MPPED1: variants seen among roughly 807,000 people sequenced by gnomAD.
MPPED1 encodes metallophosphoesterase domain-containing protein 1.
Under a neutral mutation model 36.2 loss-of-function variants are expected in MPPED1, and 16 were observed. The observed-to-expected ratio is 0.44, with a 90% confidence interval of 0.30 to 0.67. The LOEUF is 0.67. MPPED1 is among the 30% of genes least tolerant of loss of function. MPPED1 has a pLI of 0.10. For missense variants in MPPED1, 307 were observed against 453.4 expected (o/e 0.68, Z 2.93); for synonymous variants, 199 against 191.3 (o/e 1.04, Z -0.33).
chr22:43,497,312 G>C (rs1248062687), intron 4 of MPPED1, among the ~76,000 whole-genome samples: 1 of 151,986 alleles, frequency 6.6e-6, no homozygotes, highest in African/African-American at 2.4e-5. Context: ...TGATGCTTTT[G>C]TTGCAAATGA....
chr22:43,478,906 C>T (rs915666840), intron 4 of MPPED1, among the ~76,000 whole-genome samples: 4 of 152,236 alleles, frequency 2.6e-5, no homozygotes, highest in East Asian at 1.9e-4. Flanking sequence ...CACTACCCTA[C>T]GAGAGTCTCT....
At chr22:43,476,804 C>G (rs1332136005) in intron 4 of MPPED1, among the ~76,000 whole-genome samples, 2 of 152,108 alleles carry the variant, frequency 1.3e-5, no homozygotes, top group Admixed American at 1.3e-4. Context: ...GTGATGAGGT[C>G]AGTACCAAGG....
At chr22:43,459,472 A>G (rs561440357) in intron 3 of MPPED1, among the ~76,000 whole-genome samples, 18 of 152,250 alleles carry the variant, frequency 1.2e-4, no homozygotes, top group African/African-American at 3.8e-4. Flanking sequence ...AGTGCACCCA[A>G]TGGTGTCCCA....
At chr22:43,500,310 A>T (rs1056202948) in intron 5 of MPPED1, among the ~76,000 whole-genome samples, 1 of 11,066 alleles carries the variant, frequency 9.0e-5, no homozygotes, top group Non-Finnish European at 1.9e-4. Flanking sequence ...GGTGATGGTG[A>T]TGGAGGTGGT....
At chr22:43,450,853 A>T (rs1930539955) in intron 3 of MPPED1, among the ~76,000 whole-genome samples, 1 of 151,888 alleles carries the variant, frequency 6.6e-6, no homozygotes, top group Non-Finnish European at 1.5e-5. Flanking sequence ...CAGCCTCCCG[A>T]GTAGCTGGGA....
At chr22:43,491,910 G>T (rs1009459187) in intron 4 of MPPED1, among the ~76,000 whole-genome samples, 2 of 150,446 alleles carry the variant, frequency 1.3e-5, no homozygotes, top group Non-Finnish European at 3.0e-5. Flanking sequence ...GTTGGAGGTG[G>T]TGGTAATGGA....
At chr22:43,433,080 G>T (rs1447291363) in intron 2 of MPPED1, among the ~76,000 whole-genome samples, 1 of 152,072 alleles carries the variant, frequency 6.6e-6, no homozygotes, top group African/African-American at 2.4e-5. Context: ...GGGCGGCAGG[G>T]TATGTAGGTC....
intron 4 of MPPED1, among the ~76,000 whole-genome samples, chr22:43,497,840 G>C (rs999617953): frequency 5.3e-5 from 8 of 150,370 alleles, no homozygotes; most frequent in Non-Finnish European, 8.8e-5. Flanking sequence ...GTGGGGGTGG[G>C]AGTATTGGAG....
chr22:43,497,113 G>C (rs1054362641), intron 4 of MPPED1, among the ~76,000 whole-genome samples: 4 of 150,882 alleles, frequency 2.7e-5, no homozygotes, highest in South Asian at 2.1e-4. Context: ...TGGTGATGGA[G>C]GTGGTGATGG....
intron 1 of MPPED1, among the ~76,000 whole-genome samples, chr22:43,413,405 C>G (rs1452197479): frequency 6.6e-6 from 1 of 150,822 alleles, no homozygotes; most frequent in East Asian, 1.9e-4. Flanking sequence ...ATTAAACCAA[C>G]TTGGTGAGAA....
At chr22:43,482,203 C>T (rs746024223) in intron 4 of MPPED1, among the ~76,000 whole-genome samples, 11 of 152,084 alleles carry the variant, frequency 7.2e-5, no homozygotes, top group East Asian at 1.9e-4. Context: ...TAACTGAAAA[C>T]GGCCTTGATT....
At chr22:43,415,228 A>AAAG (rs1929038855) in intron 1 of MPPED1, among the ~76,000 whole-genome samples, 1 of 140,058 alleles carries the variant, frequency 7.1e-6, no homozygotes, top group Admixed American at 7.2e-5. Flanking sequence ...TCAAAAGCAA[A>AAAG]AAAAAAAAAA....
intron 2 of MPPED1, among the ~76,000 whole-genome samples, chr22:43,428,017 G>T (rs1281364244): frequency 6.6e-6 from 1 of 152,148 alleles, no homozygotes; most frequent in African/African-American, 2.4e-5. Context: ...GGCAGCAAGC[G>T]TTCAGCATTG....
At chr22:43,440,268 C>T (rs924808530) in intron 3 of MPPED1, among the ~76,000 whole-genome samples, 1 of 152,224 alleles carries the variant, frequency 6.6e-6, no homozygotes, top group Non-Finnish European at 1.5e-5. Context: ...ATCGCTGTTG[C>T]CACACACGAC....
chr22:43,504,496 G>A (rs1932774037), intron 6 of MPPED1, among the ~76,000 whole-genome samples: 1 of 151,352 alleles, frequency 6.6e-6, no homozygotes, highest in Admixed American at 6.6e-5. Flanking sequence ...ATGAATGATG[G>A]TGGTGGTGGT....
intron 1 of MPPED1, among the ~76,000 whole-genome samples, chr22:43,413,848 T>C (rs1251920210): frequency 6.6e-6 from 1 of 152,198 alleles, no homozygotes; most frequent in South Asian, 2.1e-4. Flanking sequence ...CTTAATCGTG[T>C]GTTCGGAAGT....
In MPPED1 at chr22:43,506,464, C is replaced by T. The variant is rs1932817329; in HGVS notation, c.*848C>T. 1 of 152,322 alleles carries T rather than the reference C, an allele frequency of 6.6e-6. No individual in the cohort carries two copies. Among genetic ancestry groups the T allele is most frequent in the Admixed American group, 6.5e-5 (1 of 15,286 alleles). The allele number at this position is 152,322 out of a possible 1,614,324, so 9.4% of individuals were successfully genotyped here. A position where few individuals can be genotyped will look rare whatever the true frequency, so the allele number is the denominator to read the frequency against. ...AGCAGGCCTGCCATGGGTGTGAACC[C>T]ATGTCCAGGCACGCACCGACACACA... is the stretch of plus-strand genomic sequence containing the variant. On this transcript the variant is annotated 3_prime_UTR_variant, in exon 7 of 7. Coordinates refer to ENST00000443721, the MANE Select transcript of MPPED1 (RefSeq NM_001044370.2).
Position 43,434,936 on chromosome 22 carries a change from A to G in MPPED1, c.225-98A>G, listed in dbSNP as rs1277065693. ...GGTCTGGTGGATCTGAGCGGGATTG[A>G]TGGGGCTGTGAGCTGTGGTGGATGG... On this transcript the variant is annotated intron_variant, in intron 2 of 6. Coordinates refer to ENST00000443721, the MANE Select transcript of MPPED1 (RefSeq NM_001044370.2). 1.1e-5 allele frequency: 15 copies of G among 1,316,502 alleles called. No individual in the cohort carries two copies. The Admixed American group carries it at 2.7e-4, about 24-fold the overall frequency. The allele number at this position is 1,316,502 out of a possible 1,614,324, so 81.6% of individuals were successfully genotyped here.
rs1310136511 is a variant in MPPED1 at position 43,419,882 on chromosome 22, C to A, written c.-78-5026C>A. Among the ~76,000 whole-genome samples, 4 of 152,062 alleles carry A rather than the reference C, an allele frequency of 2.6e-5. No homozygotes were observed. The South Asian group carries it at 6.2e-4, about 24-fold the overall frequency. ...TGACACCCAGGTTCTCCTTGGAGCA[C>A]CCTGGCCTCACTGGACTCACAGTAC... On this transcript the variant is annotated intron_variant, in intron 1 of 6. Transcript: ENST00000443721.
Sources: gnomAD v4.1 joint callset for allele counts (sites outside exome capture counted in the v4.1 genomes callset) on GRCh38, gnomAD v4.1.1 for gene constraint, MANE v1.5 for transcripts, NCBI Gene and HGNC (gene_info 2026-07-23, HGNC 2026-07-21) for gene names.